BACH2: variants seen among roughly 807,000 people sequenced by gnomAD.
BACH2 encodes the protein BACH transcriptional regulator 2.
Under a neutral mutation model 61.8 loss-of-function variants are expected in BACH2, and 5 were observed. The observed-to-expected ratio is 0.08, with a 90% CI of 0.04 to 0.17. The LOEUF is 0.17. Among genes scored for constraint, BACH2 ranks in the 10% least tolerant of loss-of-function variants. The pLI, the probability that BACH2 is intolerant of heterozygous loss-of-function variation, is 1.00. For missense variants in BACH2, 824 were observed against 1,091.1 expected (o/e 0.76, Z 3.45); for synonymous variants, 446 against 440.1 (o/e 1.01, Z -0.17).
At chr6:90,016,988 T>A (rs1423759453) in intron 5 of BACH2, among the ~76,000 whole-genome samples, 3 of 152,200 alleles carry the variant, frequency 2.0e-5, no homozygotes, top group African/African-American at 7.2e-5. Context: ...TTGATTATGA[T>A]GTGCCTTTGT....
At chr6:89,958,443 T>C (rs1774545931) in intron 6 of BACH2, among the ~76,000 whole-genome samples, 1 of 144,608 alleles carries the variant, frequency 6.9e-6, no homozygotes, top group Non-Finnish European at 1.5e-5. Flanking sequence ...TTCTCTATGC[T>C]TTAGTTTCTA....
intron 1 of BACH2, among the ~76,000 whole-genome samples, chr6:90,289,627 A>G (rs1453649278): frequency 1.7e-4 from 26 of 152,226 alleles, no homozygotes; most frequent in Admixed American, 1.7e-3. Flanking sequence ...AACACTAATG[A>G]TACATGATGA....
chr6:90,103,029 A>ATATATATT, intron 4 of BACH2, among the ~76,000 whole-genome samples: 2 of 21,162 alleles, frequency 9.5e-5, no homozygotes, highest in Non-Finnish European at 1.6e-4. Flanking sequence ...ATATATATAT[A>ATATATATT]TTTTTTTTTT....
chr6:90,289,363 T>C (rs1252430904), intron 1 of BACH2, among the ~76,000 whole-genome samples: 1 of 152,222 alleles, frequency 6.6e-6, no homozygotes, highest in Non-Finnish European at 1.5e-5. Flanking sequence ...AGCCCTGGGT[T>C]GTTCTGAGGA....
chr6:90,039,757 C>A (rs993881233), intron 5 of BACH2, among the ~76,000 whole-genome samples: 14 of 152,266 alleles, frequency 9.2e-5, no homozygotes, highest in Non-Finnish European at 1.9e-4. Flanking sequence ...AAACAAAAAA[C>A]CCCTGCCTGT....
At chr6:90,288,765 T>C (rs769820132) in intron 1 of BACH2, among the ~76,000 whole-genome samples, 1 of 152,220 alleles carries the variant, frequency 6.6e-6, no homozygotes, top group Non-Finnish European at 1.5e-5. Flanking sequence ...GGATTTCTGA[T>C]GGAATTAGTT....
chr6:90,160,961 G>A (rs904441706), intron 4 of BACH2, among the ~76,000 whole-genome samples: 1 of 151,854 alleles, frequency 6.6e-6, no homozygotes. Context: ...GGTGGCGTGC[G>A]CTTGTAGTAC....
intron 6 of BACH2, among the ~76,000 whole-genome samples, chr6:89,988,516 C>A (rs1426572215): frequency 6.6e-6 from 1 of 152,178 alleles, no homozygotes; most frequent in East Asian, 1.9e-4. Context: ...CAAAGCCTTT[C>A]CTCCTTAATA....
At chr6:90,120,747 C>A (rs180949985) in intron 4 of BACH2, among the ~76,000 whole-genome samples, 166 of 152,320 alleles carry the variant, frequency 1.1e-3, no homozygotes, top group Non-Finnish European at 1.9e-3. Context: ...CATTCTCCAT[C>A]CCCTGTATAA....
At chr6:90,257,844 C>T (rs535231315) in intron 2 of BACH2, among the ~76,000 whole-genome samples, 34 of 152,240 alleles carry the variant, frequency 2.2e-4, no homozygotes, top group African/African-American at 6.5e-4. Flanking sequence ...GGCGCCATCT[C>T]GGCTCACTAC....
At chr6:90,265,400 CTGTACAAGTATTTTCTT>C (rs1473804033) in intron 2 of BACH2, among the ~76,000 whole-genome samples, 1 of 152,222 alleles carries the variant, frequency 6.6e-6, no homozygotes, top group East Asian at 1.9e-4. Context: ...GAACTTTAGG[CTGTACAAGTATTTTCTT>C]TGGGATGCAA....
At chr6:90,186,517 G>A (rs1333419761) in intron 4 of BACH2, among the ~76,000 whole-genome samples, 1 of 152,148 alleles carries the variant, frequency 6.6e-6, no homozygotes, top group Non-Finnish European at 1.5e-5. Context: ...GTGGTTTCAG[G>A]TGGTATTCTT....
chr6:90,276,013 G>A (rs186757485), intron 1 of BACH2, among the ~76,000 whole-genome samples: 12 of 151,968 alleles, frequency 7.9e-5, no homozygotes, highest in African/African-American at 2.9e-4. Flanking sequence ...TTAAAGAAAA[G>A]TGTAACTTTT....
Position 90,093,879 on chromosome 6 carries a change from G to C in BACH2, c.-161-4770C>G, listed in dbSNP as rs554019562. 2.0e-5 allele frequency among the ~76,000 whole-genome samples: 3 copies of C among 152,290 alleles called. No homozygotes were observed. In the South Asian group the frequency reaches 6.2e-4, roughly 32 times the overall value. ...CCAGACTGCTCTTAGGAAAAGGTGG[G>C]TGAGGAGATATGGTAATGCTACACT... is the stretch of plus-strand genomic sequence containing the variant. On this transcript the variant is annotated intron_variant, in intron 4 of 8. Coordinates refer to ENST00000257749, the MANE Select transcript of BACH2 (RefSeq NM_021813.4).
chr6:89,958,146 A>G (rs1178304927), intron 6 of BACH2, among the ~76,000 whole-genome samples: 2 of 151,904 alleles, frequency 1.3e-5, no homozygotes, highest in Non-Finnish European at 2.9e-5. Context: ...TTTGTTTACT[A>G]ATTTTATTTT....
chr6:90,095,487 G>A (rs1782345158), intron 4 of BACH2, among the ~76,000 whole-genome samples: 1 of 152,192 alleles, frequency 6.6e-6, no homozygotes, highest in African/African-American at 2.4e-5. Flanking sequence ...TTCAGGTTCT[G>A]GGACTCTAGC....
chr6:90,294,346 T>C (rs1772270546), intron 1 of BACH2, among the ~76,000 whole-genome samples: 1 of 152,204 alleles, frequency 6.6e-6, no homozygotes, highest in Non-Finnish European at 1.5e-5. Context: ...CTTTATTCCA[T>C]GGTTGTGTGT....
At chr6:89,937,270 T>G (rs1270428959) in intron 8 of BACH2, among the ~76,000 whole-genome samples, 1 of 152,152 alleles carries the variant, frequency 6.6e-6, no homozygotes, top group Non-Finnish European at 1.5e-5. Flanking sequence ...GTAGGCGTCC[T>G]ATCTCTATTC....
Position 90,200,758 on chromosome 6 carries a change from T to C in BACH2, c.-162+5811A>G, listed in dbSNP as rs188636075. Among the ~76,000 whole-genome samples, 58 of 152,328 alleles carry C rather than the reference T, an allele frequency of 3.8e-4. No homozygotes were observed. The East Asian group carries it at 0.01, about 27-fold the overall frequency. On this transcript the variant is annotated intron_variant, in intron 4 of 8. Coordinates refer to ENST00000257749, the MANE Select transcript of BACH2 (RefSeq NM_021813.4). ...TCTGGGAAGGCCATGGTCAACATTC[T>C]GGGCAATAGCCTTCCGGTCTTTTTA...
Sources: allele counts gnomAD v4.1 joint callset (sites outside exome capture counted in the v4.1 genomes callset), GRCh38; gene constraint gnomAD v4.1.1; transcripts MANE v1.5; gene names NCBI Gene and HGNC (gene_info 2026-07-23, HGNC 2026-07-21).